The following MOB1B variants were observed in gnomAD, a reference collection of about 807,000 sequenced individuals.
MOB1B encodes MOB kinase activator 1B.
Under a neutral mutation model 24.4 loss-of-function variants are expected in MOB1B, and 19 were observed. The ratio of observed to expected loss-of-function variants is 0.78; its 90% CI spans 0.54 to 1.14. The LOEUF is 1.14. Among genes scored for constraint, MOB1B ranks in the 50% most tolerant of loss-of-function variants. The pLI, the probability that MOB1B is intolerant of heterozygous loss-of-function variation, is 0.00. For missense variants in MOB1B, 243 were observed against 259.6 expected (o/e 0.94, Z 0.44); for synonymous variants, 76 against 82.1 (o/e 0.93, Z 0.40).
At chr4:70,926,927 G>T (rs908030914) in intron 1 of MOB1B, among the ~76,000 whole-genome samples, 3 of 151,706 alleles carry the variant, frequency 2.0e-5, no homozygotes, top group African/African-American at 4.9e-5. Context: ...AACTCAGGAG[G>T]TGGAGCTTAC....
At chr4:70,963,072 G>A (rs935900277) in intron 2 of MOB1B, among the ~76,000 whole-genome samples, 1 of 152,108 alleles carries the variant, frequency 6.6e-6, no homozygotes, top group Non-Finnish European at 1.5e-5. Flanking sequence ...AATAAAAAAT[G>A]AAGCCACTGG....
intron 1 of MOB1B, among the ~76,000 whole-genome samples, chr4:70,921,044 T>G (rs1736417358): frequency 6.6e-6 from 1 of 152,086 alleles, no homozygotes; most frequent in African/African-American, 2.4e-5. Context: ...AATATCATGG[T>G]TTTTTATATA....
chr4:70,965,775 C>T (rs1259136791), intron 2 of MOB1B, among the ~76,000 whole-genome samples: 14 of 114,152 alleles, frequency 1.2e-4, no homozygotes, highest in African/African-American at 3.2e-4. Context: ...CCAGCCTGGG[C>T]GACAGAGCGA....
intron 1 of MOB1B, among the ~76,000 whole-genome samples, chr4:70,940,765 C>T (rs1418539025): frequency 1.3e-5 from 2 of 151,882 alleles, no homozygotes; most frequent in Non-Finnish European, 2.9e-5. Flanking sequence ...CAACCTCCAC[C>T]TCCCAGGTTC....
At chr4:70,913,489 C>G (rs1414215764) in intron 1 of MOB1B, among the ~76,000 whole-genome samples, 1 of 151,912 alleles carries the variant, frequency 6.6e-6, no homozygotes, top group Admixed American at 6.6e-5. Flanking sequence ...TAGAGACAGC[C>G]CACATTGCCA....
At chr4:70,939,401 T>C (rs1393791582) in intron 1 of MOB1B, among the ~76,000 whole-genome samples, 1 of 152,182 alleles carries the variant, frequency 6.6e-6, no homozygotes, top group African/African-American at 2.4e-5. Flanking sequence ...AATCCTAGTC[T>C]GGGTGCAGTA....
chr4:70,947,766 G>T (rs1270742848), intron 1 of MOB1B, among the ~76,000 whole-genome samples: 2 of 152,062 alleles, frequency 1.3e-5, no homozygotes, highest in Non-Finnish European at 2.9e-5. Context: ...GCAGGTGTGT[G>T]CCACCACACC....
At chr4:70,956,681 A>G (rs1578386473) in intron 1 of MOB1B, among the ~76,000 whole-genome samples, 1 of 152,018 alleles carries the variant, frequency 6.6e-6, no homozygotes, top group East Asian at 1.9e-4. Context: ...CGACCTCCCA[A>G]AGTGCTGGGA....
At position 70,947,812 on chromosome 4, in the gene MOB1B, T is replaced by C. The variant is rs577816677; in HGVS notation, c.15-11062T>C. 3.3e-5 allele frequency among the ~76,000 whole-genome samples: 5 copies of C among 152,274 alleles called. No individual in the cohort carries two copies. In the South Asian group the frequency reaches 1.0e-3, roughly 32 times the overall value. On this transcript the variant is annotated intron_variant, in intron 1 of 5. Transcript: ENST00000309395. Reference sequence around the variant, plus strand: ...TTTGTAGAGATAGGGTTTCAACATATTGCCCAGGCTGGTCTTGAACTTCTG... The same window carrying C: ...TTTGTAGAGATAGGGTTTCAACATACTGCCCAGGCTGGTCTTGAACTTCTG...
chr4:70,921,035 AT>A (rs1736416921), intron 1 of MOB1B, among the ~76,000 whole-genome samples: 1 of 152,218 alleles, frequency 6.6e-6, no homozygotes, highest in African/African-American at 2.4e-5. Flanking sequence ...GAACTAAAAA[AT>A]ATCATGGTTT....
chr4:70,934,313 T>C (rs1309977670), intron 1 of MOB1B, among the ~76,000 whole-genome samples: 1 of 151,766 alleles, frequency 6.6e-6, no homozygotes, highest in Non-Finnish European at 1.5e-5. Flanking sequence ...CTCGAACTCC[T>C]GGCCTCAAGT....
rs1288860714 is a variant in MOB1B, at chr4:70,986,740, A to G, written c.*4683A>G. 6.6e-6 allele frequency: 1 copy of G among 152,200 alleles called. No homozygotes were observed. The highest frequency in any genetic ancestry group is 1.5e-5 in the Non-Finnish European group (1 of 67,998). 9.4% of individuals were successfully genotyped at this position (152,200 alleles called of 1,614,324 possible). A position where few individuals can be genotyped will look rare whatever the true frequency, so the allele number is the denominator to read the frequency against. ...TATCACCTTAATTGTGTATGATATG[A>G]TAAATGTTTAGCAGTAAAGCTATCT... On this transcript the variant is annotated 3_prime_UTR_variant, in exon 6 of 6. Transcript: ENST00000309395.
At chr4:70,955,573 C>T (rs192855388) in intron 1 of MOB1B, among the ~76,000 whole-genome samples, 5 of 147,040 alleles carry the variant, frequency 3.4e-5, no homozygotes, top group African/African-American at 1.0e-4. Flanking sequence ...TGGGTTCAAG[C>T]GATTCTCCTG....
chr4:70,907,410 G>A (rs1735792555), intron 1 of MOB1B, among the ~76,000 whole-genome samples: 1 of 151,672 alleles, frequency 6.6e-6, no homozygotes, highest in Non-Finnish European at 1.5e-5. Flanking sequence ...GGTCTCTTTT[G>A]ACTAATGGAA....
chr4:70,959,274 T>G (rs1200757521), intron 2 of MOB1B, among the ~76,000 whole-genome samples: 1 of 152,234 alleles, frequency 6.6e-6, no homozygotes, highest in Non-Finnish European at 1.5e-5. Flanking sequence ...AGTGGCTCAG[T>G]TATGGCTGAC....
At chr4:70,973,568 T>A (rs936580985) in intron 3 of MOB1B, among the ~76,000 whole-genome samples, 4 of 152,176 alleles carry the variant, frequency 2.6e-5, no homozygotes, top group Admixed American at 2.6e-4. Flanking sequence ...TACAATAGGC[T>A]TAAATTGCAC....
intron 4 of MOB1B, 22 bp from the exon 5 acceptor site, chr4:70,979,106 G>A (rs1330586676): frequency 1.1e-5 from 18 of 1,600,352 alleles, no homozygotes; most frequent in Non-Finnish European, 1.5e-5. Context: ...TTACTAGAGG[G>A]AGTTGTTTAT....
intron 1 of MOB1B, among the ~76,000 whole-genome samples, chr4:70,939,298 C>A (rs1737231124): frequency 6.6e-6 from 1 of 152,110 alleles, no homozygotes; most frequent in African/African-American, 2.4e-5. Context: ...AAATCATAAT[C>A]TCATAGAAAT....
chr4:70,921,807 C>T (rs1039658205), intron 1 of MOB1B, among the ~76,000 whole-genome samples: 8 of 151,966 alleles, frequency 5.3e-5, no homozygotes, highest in African/African-American at 1.2e-4. Flanking sequence ...GTGCCTGGCC[C>T]GCATTTCTTT....
Sources: allele counts gnomAD v4.1 joint callset (sites outside exome capture counted in the v4.1 genomes callset), GRCh38; gene constraint gnomAD v4.1.1; transcripts MANE v1.5; gene names NCBI Gene and HGNC (gene_info 2026-07-23, HGNC 2026-07-21).